Variants in KDSR observed in about 807,000 individuals in gnomAD.
KDSR encodes the protein 3-dehydrosphinganine reductase.
Under a neutral mutation model 41.3 loss-of-function variants are expected in KDSR, and 23 were observed. That is an observed-to-expected ratio of 0.56 (90% confidence interval 0.40 to 0.79). The LOEUF (loss-of-function observed/expected upper bound fraction) is 0.79, where lower values mean the gene tolerates loss of function less well. Among genes scored for constraint, KDSR ranks in the 30% least tolerant of loss-of-function variants. The pLI is 0.00. For synonymous variants in KDSR, 138 were observed against 151.7 expected (o/e 0.91, Z 0.66); for missense variants, 351 against 416.8 (o/e 0.84, Z 1.37).
chr18:63,348,127 C>A (rs116406162), intron 6 of KDSR, among the ~76,000 whole-genome samples: 1,921 of 151,594 alleles, frequency 0.013, 38 homozygotes, highest in African/African-American at 0.044. Flanking sequence ...CCCATGTCTA[C>A]AAAAAATAAA....
At position 63,331,708 on chromosome 18, in the gene KDSR, C is replaced by G. The variant is rs1408723171; in HGVS notation, c.*74G>C. 6.6e-7 allele frequency: 1 copy of G among 1,524,310 alleles called. No individual in the cohort carries two copies. Among genetic ancestry groups the G allele is most frequent in the Non-Finnish European group, 8.9e-7 (1 of 1,120,062 alleles). The allele number at this position is 1,524,310 out of a possible 1,614,324, so 94.4% of individuals were successfully genotyped here. ...AAACAATACATAAGTGTCTATAGGC[C>G]AAAAATTGGGTCCCATTTAGCAGCA... On this transcript the variant is annotated 3_prime_UTR_variant, in exon 10 of 10. Transcript: ENST00000645214.
At chr18:63,362,116 C>T (rs1192579248) in intron 2 of KDSR, among the ~76,000 whole-genome samples, 1 of 152,194 alleles carries the variant, frequency 6.6e-6, no homozygotes, top group Non-Finnish European at 1.5e-5. Context: ...CTGCAGCGGA[C>T]GAGCCAGCTG....
chr18:63,352,407 T>G (rs1461235643), intron 5 of KDSR, among the ~76,000 whole-genome samples: 3 of 152,168 alleles, frequency 2.0e-5, no homozygotes, highest in Non-Finnish European at 4.4e-5. Flanking sequence ...CTCTGCCTCC[T>G]GGGTTCAAGC....
At chr18:63,341,811 A>C (rs1914347636) in intron 7 of KDSR, among the ~76,000 whole-genome samples, 1 of 152,214 alleles carries the variant, frequency 6.6e-6, no homozygotes, top group African/African-American at 2.4e-5. Context: ...GGAAATCAAT[A>C]AATGCTCACA....
At chr18:63,335,482 A>T (rs1374636238) in intron 8 of KDSR, 124 bp from the exon 9 acceptor site, 1 of 685,876 alleles carries the variant, frequency 1.5e-6, no homozygotes, top group African/African-American at 1.8e-5. Context: ...GTCACAAAGC[A>T]TTGATCAGCA....
At chr18:63,338,652 A>T in intron 8 of KDSR, 148 bp downstream of exon 8, 1 of 621,846 alleles carries the variant, frequency 1.6e-6, no homozygotes, top group Non-Finnish European at 2.8e-6. Context: ...TAAAAGAAGA[A>T]AAGTTGAGTC....
chr18:63,343,955 T>C (rs552009077), intron 7 of KDSR, among the ~76,000 whole-genome samples: 1 of 152,024 alleles, frequency 6.6e-6, no homozygotes, highest in African/African-American at 2.4e-5. Flanking sequence ...GGAGGGAGGA[T>C]CACTTGAGGC....
intron 9 of KDSR, among the ~76,000 whole-genome samples, chr18:63,333,194 C>A (rs1360501629): frequency 1.3e-5 from 2 of 152,104 alleles, no homozygotes; most frequent in Non-Finnish European, 2.9e-5. Context: ...TGGACTCAAG[C>A]AGAAGTCTCC....
Position 63,335,332 on chromosome 18 carries a change from G to A in KDSR, c.804C>T (p.Gly268=). ...GGGCCGAGAGCATGTACCCATCTGA[G>A]CCAAGGGAACTGTTGAAATTTCCTT... ...AIQGNFNSSL[G]SDGYMLSALT... Residue 268 remains glycine, a synonymous_variant, in exon 9 of 10, where the codon GGC becomes GGT. Coordinates refer to ENST00000645214, the MANE Select transcript of KDSR (RefSeq NM_002035.4). 6.2e-7 allele frequency: 1 copy of A among 1,613,796 alleles called. No individual in the cohort carries two copies. The highest frequency in any genetic ancestry group is 8.5e-7 in the Non-Finnish European group (1 of 1,179,716).
chr18:63,348,445 G>A (rs559203478), intron 6 of KDSR, among the ~76,000 whole-genome samples: 2 of 152,104 alleles, frequency 1.3e-5, no homozygotes, highest in East Asian at 3.9e-4. Context: ...ATTACTGTAG[G>A]GACACAATAA....
At chr18:63,355,588 CA>C (rs1914773242) in intron 3 of KDSR, 25 bp from the exon 4 acceptor site, 1 of 1,548,200 alleles carries the variant, frequency 6.5e-7, no homozygotes, top group East Asian at 2.3e-5. Flanking sequence ...AAAAAGTGAT[CA>C]AAGTTTTGCA....
At chr18:63,352,445 G>A (rs2144367711) in intron 5 of KDSR, among the ~76,000 whole-genome samples, 2 of 152,252 alleles carry the variant, frequency 1.3e-5, no homozygotes, top group Middle Eastern at 6.8e-3. Context: ...CTCCCAAGTA[G>A]CTGGGATTAC....
At chr18:63,346,261 G>A (rs1914498888) in intron 6 of KDSR, 2 of 152,238 alleles carry the variant, frequency 1.3e-5, no homozygotes, top group Admixed American at 1.3e-4. Context: ...AATAGCTCTG[G>A]ATCGGGGCCA....
rs1182880687 is a variant in KDSR, at chr18:63,331,122, G to A, written c.*660C>T. ...ACTGCCCTCTCCCGTCCCCCTCGTA[G>A]CTTTATGGGATCAAAGAGAGAGAGA... On this transcript the variant is annotated 3_prime_UTR_variant, in exon 10 of 10. Transcript: ENST00000645214. 4.3e-6 allele frequency: 1 copy of A among 233,122 alleles called. No individual in the cohort carries two copies. Among genetic ancestry groups the A allele is most frequent in the Non-Finnish European group, 8.5e-6 (1 of 118,062 alleles). The allele number at this position is 233,122 out of a possible 1,614,324, so 14.4% of individuals were successfully genotyped here.
chr18:63,363,898 T>C (rs1160270967), intron 1 of KDSR, among the ~76,000 whole-genome samples: 1 of 152,204 alleles, frequency 6.6e-6, no homozygotes, highest in Non-Finnish European at 1.5e-5. Context: ...GATCTCTGAC[T>C]CCATGTTAGG....
At chr18:63,364,623 T>C (rs1323322192) in intron 1 of KDSR, among the ~76,000 whole-genome samples, 1 of 152,082 alleles carries the variant, frequency 6.6e-6, no homozygotes, top group South Asian at 2.1e-4. Context: ...TTTGTATTTT[T>C]AGTAGAGATG....
intron 5 of KDSR, among the ~76,000 whole-genome samples, chr18:63,351,834 A>C (rs552093624): frequency 1.3e-5 from 2 of 152,276 alleles, no homozygotes; most frequent in South Asian, 4.1e-4. Flanking sequence ...CCCAGGCTGA[A>C]GTGCAATGGT....
chr18:63,333,110 G>A (rs576112443), intron 9 of KDSR, among the ~76,000 whole-genome samples: 1 of 152,122 alleles, frequency 6.6e-6, no homozygotes, highest in African/African-American at 2.4e-5. Context: ...ATCCTTTTTA[G>A]AGACAGGGTC....
At chr18:63,341,466 A>G (rs1434821728) in intron 7 of KDSR, among the ~76,000 whole-genome samples, 1 of 151,664 alleles carries the variant, frequency 6.6e-6, no homozygotes, top group Non-Finnish European at 1.5e-5. Flanking sequence ...CAAAAGGCCC[A>G]AGAGATTAAA....
Sources: gnomAD v4.1 joint callset for allele counts (sites outside exome capture counted in the v4.1 genomes callset) on GRCh38, gnomAD v4.1.1 for gene constraint, MANE v1.5 for transcripts, NCBI Gene and HGNC (gene_info 2026-07-23, HGNC 2026-07-21) for gene names.